CDC42SE2: variants seen among roughly 807,000 people sequenced by gnomAD.
The protein encoded by CDC42SE2 is CDC42 small effector 2.
A neutral mutation model predicts 11.5 loss-of-function variants in CDC42SE2; 3 were observed. The ratio of observed to expected loss-of-function variants is 0.26; its 90% CI spans 0.12 to 0.67. CDC42SE2 has a LOEUF of 0.67. Among genes scored for constraint, CDC42SE2 ranks in the 30% least tolerant of loss-of-function variants. The pLI is 0.80. For synonymous variants in CDC42SE2, 33 were observed against 34.8 expected (o/e 0.95, Z 0.18); for missense variants, 82 against 106.8 (o/e 0.77, Z 1.02).
the CDC42SE2 span, among the ~76,000 whole-genome samples, chr5:131,212,000 G>A: frequency 1.3e-5 from 2 of 151,074 alleles, no homozygotes; most frequent in African/African-American, 4.9e-5. Context: ...GGGTGACAGA[G>A]TGAGACCCTA....
chr5:131,381,716 C>T (rs1750332958), intron 3 of CDC42SE2, among the ~76,000 whole-genome samples: 1 of 152,228 alleles, frequency 6.6e-6, no homozygotes, highest in Non-Finnish European at 1.5e-5. Flanking sequence ...TTTTCACCAA[C>T]ATTAATAACT....
At chr5:131,305,169 A>C (rs1192202679) in intron 1 of CDC42SE2, among the ~76,000 whole-genome samples, 1 of 152,166 alleles carries the variant, frequency 6.6e-6, no homozygotes, top group East Asian at 1.9e-4. Flanking sequence ...TTTGAGATTA[A>C]TCCATGTTGA....
At chr5:131,356,887 A>G (rs1749563957) in intron 2 of CDC42SE2, among the ~76,000 whole-genome samples, 1 of 152,240 alleles carries the variant, frequency 6.6e-6, no homozygotes, top group South Asian at 2.1e-4. Flanking sequence ...CAGCCTGGGC[A>G]ACACAGTGAG....
chr5:131,376,925 G>A (rs909762386), intron 3 of CDC42SE2, among the ~76,000 whole-genome samples: 1 of 152,126 alleles, frequency 6.6e-6, no homozygotes, highest in Non-Finnish European at 1.5e-5. Flanking sequence ...ATGACTTTGC[G>A]ATTGTGAATA....
chr5:131,351,253 A>G (rs1330665262), intron 2 of CDC42SE2, among the ~76,000 whole-genome samples: 1 of 150,280 alleles, frequency 6.7e-6, no homozygotes, highest in Admixed American at 6.6e-5. Flanking sequence ...CTCAGCCCTG[A>G]TTTTCCTTTT....
intron 1 of CDC42SE2, among the ~76,000 whole-genome samples, chr5:131,279,459 C>G (rs1179889365): frequency 1.4e-5 from 2 of 144,960 alleles, no homozygotes; most frequent in African/African-American, 2.6e-5. Context: ...CCTCCCCCCC[C>G]CCCTTTCAGA....
chr5:131,217,750 G>T, the CDC42SE2 span, among the ~76,000 whole-genome samples: 3 of 152,166 alleles, frequency 2.0e-5, no homozygotes, highest in South Asian at 6.2e-4. Flanking sequence ...AATAACCTCT[G>T]TTTGCCAAAG....
chr5:131,369,948 C>A (rs1193137675), intron 3 of CDC42SE2, among the ~76,000 whole-genome samples: 1 of 152,158 alleles, frequency 6.6e-6, no homozygotes, highest in Non-Finnish European at 1.5e-5. Flanking sequence ...TCAGTGCTTT[C>A]TGCTTATTCT....
chr5:131,388,323 T>C (rs1750549881), intron 4 of CDC42SE2, among the ~76,000 whole-genome samples: 1 of 152,214 alleles, frequency 6.6e-6, no homozygotes, highest in African/African-American at 2.4e-5. Context: ...GTATCATTGA[T>C]AGTACTGATT....
chr5:131,295,126 C>CAAA (rs71000989), intron 1 of CDC42SE2, among the ~76,000 whole-genome samples: 1 of 143,238 alleles, frequency 7.0e-6, no homozygotes, highest in African/African-American at 2.6e-5. Context: ...GACTAAGTCT[C>CAAA]AAAAAAAAAA....
At chr5:131,223,464 C>T in the CDC42SE2 span, among the ~76,000 whole-genome samples, 1 of 152,160 alleles carries the variant, frequency 6.6e-6, no homozygotes, top group Non-Finnish European at 1.5e-5. Flanking sequence ...TATCACAACT[C>T]AGATCAAAAA....
At chr5:131,308,120 T>C (rs1757818375) in intron 1 of CDC42SE2, among the ~76,000 whole-genome samples, 1 of 152,190 alleles carries the variant, frequency 6.6e-6, no homozygotes, top group Non-Finnish European at 1.5e-5. Flanking sequence ...TTGATTTTTG[T>C]ATAAGGTGTA....
chr5:131,277,589 C>T (rs965549396), intron 1 of CDC42SE2, among the ~76,000 whole-genome samples: 7 of 152,202 alleles, frequency 4.6e-5, no homozygotes, highest in African/African-American at 1.7e-4. Flanking sequence ...ATTATCTCAC[C>T]TTTGCTCACT....
the CDC42SE2 span, among the ~76,000 whole-genome samples, chr5:131,213,166 C>T: frequency 1.3e-5 from 2 of 152,172 alleles, no homozygotes; most frequent in Non-Finnish European, 2.9e-5. Flanking sequence ...GCACTCCAGC[C>T]TGGGCAACAA....
intron 2 of CDC42SE2, among the ~76,000 whole-genome samples, chr5:131,327,139 C>T (rs1271068631): frequency 6.6e-6 from 1 of 152,054 alleles, no homozygotes; most frequent in Non-Finnish European, 1.5e-5. Flanking sequence ...AACTCCATTC[C>T]TGCTTTTCAT....
chr5:131,269,892 C>T (rs1031024042), intron 1 of CDC42SE2, among the ~76,000 whole-genome samples: 2 of 151,182 alleles, frequency 1.3e-5, no homozygotes, highest in African/African-American at 2.4e-5. Context: ...GAAACCCCAT[C>T]TCTACTAAAA....
intron 2 of CDC42SE2, among the ~76,000 whole-genome samples, chr5:131,338,078 T>G (rs1436187885): frequency 9.2e-5 from 14 of 152,256 alleles, no homozygotes; most frequent in Non-Finnish European, 4.4e-5. Flanking sequence ...GAGCTGTTCC[T>G]ATTTGGCCAT....
At chr5:131,324,355 T>A (rs1391168876) in intron 2 of CDC42SE2, among the ~76,000 whole-genome samples, 1 of 152,160 alleles carries the variant, frequency 6.6e-6, no homozygotes. Context: ...GGTGTGTGAC[T>A]TGGTAGAGAA....
At chr5:131,385,155 T>G (rs1750444331) in intron 3 of CDC42SE2, among the ~76,000 whole-genome samples, 1 of 152,198 alleles carries the variant, frequency 6.6e-6, no homozygotes, top group African/African-American at 2.4e-5. Context: ...CTGTTAATGA[T>G]GAAAGCCAGA....
Sources: gnomAD v4.1 joint callset for allele counts (sites outside exome capture counted in the v4.1 genomes callset) on GRCh38, gnomAD v4.1.1 for gene constraint, MANE v1.5 for transcripts, NCBI Gene and HGNC (gene_info 2026-07-23, HGNC 2026-07-21) for gene names.